The following SPMAP2L variants were observed in gnomAD, a reference collection of about 807,000 sequenced individuals.
SPMAP2L encodes the protein sperm microtubule associated protein 2-like.
the SPMAP2L span, among the ~76,000 whole-genome samples, chr4:56,613,759 A>G: frequency 6.6e-6 from 1 of 152,228 alleles, no homozygotes; most frequent in African/African-American, 2.4e-5. Flanking sequence ...AAGTGACTGC[A>G]TCATATGATT....
At chr4:56,550,422 G>A in the SPMAP2L span, among the ~76,000 whole-genome samples, 1 of 152,138 alleles carries the variant, frequency 6.6e-6, no homozygotes, top group African/African-American at 2.4e-5. Context: ...AGATAGGACA[G>A]ATATATCAAC....
chr4:56,586,150 G>T, the SPMAP2L span, among the ~76,000 whole-genome samples: 1 of 152,160 alleles, frequency 6.6e-6, no homozygotes, highest in Non-Finnish European at 1.5e-5. Context: ...GAATCATCTG[G>T]AGGCTCCTTT....
the SPMAP2L span, among the ~76,000 whole-genome samples, chr4:56,545,645 G>A: frequency 6.6e-6 from 1 of 151,164 alleles, no homozygotes; most frequent in Non-Finnish European, 1.5e-5. Context: ...CGCTTGAACT[G>A]GGGAGGTGGA....
the SPMAP2L span, among the ~76,000 whole-genome samples, chr4:56,606,963 G>A: frequency 1.3e-5 from 2 of 152,122 alleles, no homozygotes; most frequent in Admixed American, 1.3e-4. Context: ...AGTAAGAAGT[G>A]ACAGGCTCAA....
chr4:56,594,989 C>A, the SPMAP2L span: 1 of 1,606,814 alleles, frequency 6.2e-7, no homozygotes, highest in Non-Finnish European at 8.5e-7. Flanking sequence ...TACCTTGCCC[C>A]GTTTTTGCCC....
the SPMAP2L span, among the ~76,000 whole-genome samples, chr4:56,610,461 G>C: frequency 6.6e-6 from 1 of 152,116 alleles, no homozygotes; most frequent in Admixed American, 6.5e-5. Context: ...ATGGATCAAG[G>C]ACTTAAATCT....
the SPMAP2L span, among the ~76,000 whole-genome samples, chr4:56,566,699 T>TC: frequency 1.2e-4 from 8 of 68,258 alleles, no homozygotes; most frequent in African/African-American, 9.1e-4. Context: ...CTTTTTCTTT[T>TC]TTTTTTTTTT....
chr4:56,545,417 C>T, the SPMAP2L span, among the ~76,000 whole-genome samples: 10 of 152,108 alleles, frequency 6.6e-5, no homozygotes, highest in African/African-American at 2.2e-4. Flanking sequence ...TACATGTTTA[C>T]AAAGTAGGTT....
chr4:56,558,064 T>A, the SPMAP2L span, among the ~76,000 whole-genome samples: 3 of 151,944 alleles, frequency 2.0e-5, no homozygotes, highest in Non-Finnish European at 4.4e-5. Context: ...CACCTCCCAG[T>A]TCCAAGTGAT....
chr4:56,585,593 T>A, the SPMAP2L span, among the ~76,000 whole-genome samples: 62 of 152,198 alleles, frequency 4.1e-4, no homozygotes, highest in African/African-American at 1.5e-3. Flanking sequence ...CCTCCCACCT[T>A]GACCTCCCAA....
the SPMAP2L span, among the ~76,000 whole-genome samples, chr4:56,577,242 T>C: frequency 6.6e-6 from 1 of 151,336 alleles, no homozygotes; most frequent in Non-Finnish European, 1.5e-5. Flanking sequence ...TCATCTCTAC[T>C]AAAAATATAA....
the SPMAP2L span, among the ~76,000 whole-genome samples, chr4:56,537,939 C>T: frequency 2.7e-5 from 4 of 150,594 alleles, no homozygotes; most frequent in Admixed American, 6.6e-5. Context: ...GTGATCTGCC[C>T]GCCTCGGCCC....
chr4:56,600,827 A>C, the SPMAP2L span: 1 of 1,144,610 alleles, frequency 8.7e-7, no homozygotes. Flanking sequence ...AGTCTGTTGC[A>C]GTAATCCAGA....
the SPMAP2L span, among the ~76,000 whole-genome samples, chr4:56,609,206 C>A: frequency 6.6e-6 from 1 of 151,916 alleles, no homozygotes; most frequent in African/African-American, 2.4e-5. Flanking sequence ...TCACGCCAGA[C>A]TAATTTTTGT....
the SPMAP2L span, among the ~76,000 whole-genome samples, chr4:56,609,978 C>T: frequency 6.6e-6 from 1 of 152,180 alleles, no homozygotes. Context: ...AAACACATCC[C>T]ATGCTTATGG....
chr4:56,540,923 C>T, the SPMAP2L span, among the ~76,000 whole-genome samples: 1 of 152,198 alleles, frequency 6.6e-6, no homozygotes, highest in Non-Finnish European at 1.5e-5. Flanking sequence ...ACTGCTGTGC[C>T]CAGGAGTCAT....
chr4:56,604,861 A>G, the SPMAP2L span, among the ~76,000 whole-genome samples: 1 of 152,182 alleles, frequency 6.6e-6, no homozygotes, highest in East Asian at 1.9e-4. Context: ...AGCAACTTGG[A>G]TGGAGTTGGA....
the SPMAP2L span, chr4:56,601,006 C>G: frequency 6.5e-7 from 1 of 1,535,452 alleles, no homozygotes; most frequent in Admixed American, 2.0e-5. Flanking sequence ...GTCTGTTCAT[C>G]AAGATTATCT....
At chr4:56,550,685 G>T in the SPMAP2L span, among the ~76,000 whole-genome samples, 1 of 152,076 alleles carries the variant, frequency 6.6e-6, no homozygotes, top group Non-Finnish European at 1.5e-5. Context: ...AAAGTTTTTC[G>T]TTATTGTTAT....
Sources: gnomAD v4.1 joint callset for allele counts (sites outside exome capture counted in the v4.1 genomes callset) on GRCh38, gnomAD v4.1.1 for gene constraint, MANE v1.5 for transcripts, NCBI Gene and HGNC (gene_info 2026-07-23, HGNC 2026-07-21) for gene names.